MYSM1: variants seen among roughly 807,000 people sequenced by gnomAD.
The protein encoded by MYSM1 is deubiquitinase MYSM1.
A neutral mutation model predicts 116.0 loss-of-function variants in MYSM1; 51 were observed. The ratio of observed to expected loss-of-function variants is 0.44; its 90% CI spans 0.35 to 0.56. MYSM1 has a LOEUF of 0.56. Among genes scored for constraint, MYSM1 ranks in the 20% least tolerant of loss-of-function variants. The probability of loss-of-function intolerance (pLI) is 0.00; values close to 1 mark genes in which losing one functional copy is unlikely to be tolerated. For synonymous variants in MYSM1, 313 were observed against 315.2 expected (o/e 0.99, Z 0.07); for missense variants, 900 against 974.9 (o/e 0.92, Z 1.02).
chr1:58,663,135 G>T (rs1056653373), intron 17 of MYSM1, among the ~76,000 whole-genome samples: 1 of 152,136 alleles, frequency 6.6e-6, no homozygotes, highest in African/African-American at 2.4e-5. Context: ...TCAGAGCTGG[G>T]ATCTGAATCC....
chr1:58,680,609 C>T (rs748788295), intron 8 of MYSM1, among the ~76,000 whole-genome samples: 2 of 152,044 alleles, frequency 1.3e-5, no homozygotes, highest in Admixed American at 6.5e-5. Flanking sequence ...TGAAGGTTAC[C>T]GATTTATTAT....
Position 58,676,931 on chromosome 1 carries a change from C to T in MYSM1, c.1385G>A (p.Gly462Glu). ...TGTTGGGTTTTTATTTTTACCACATCCAAAATTGATTGCTCCTATCAATTC... is the reference window on the plus strand; with the variant it reads ...TGTTGGGTTTTTATTTTTACCACATTCAAAATTGATTGCTCCTATCAATTC... ...YLELIGAINF[G>E]CEQAVYNRPQ... Residue 462 changes from glycine (G) to glutamate (E), a missense_variant, in exon 9 of 20, where the codon GGA becomes GAA. Gly to Glu is a moderately conservative substitution (Grantham distance 98, BLOSUM62 -2). Transcript: ENST00000472487. 6.2e-7 allele frequency: 1 copy of T among 1,610,162 alleles called. No homozygotes were observed. The highest frequency in any genetic ancestry group is 2.2e-5 in the East Asian group (1 of 44,614).
At chr1:58,682,699 CT>C (rs768660432) in intron 7 of MYSM1, among the ~76,000 whole-genome samples, 154 bp from the exon 8 acceptor site, 190 of 89,174 alleles carry the variant, frequency 2.1e-3, no homozygotes, top group Middle Eastern at 0.011. Context: ...TTTTTCTTTT[CT>C]TTTTTTTTTT....
At chr1:58,681,739 G>A in intron 8 of MYSM1, 46 bp downstream of exon 8, 1 of 1,498,654 alleles carries the variant, frequency 6.7e-7, no homozygotes, top group South Asian at 1.4e-5. Flanking sequence ...AAATACTTCA[G>A]AATATCACGT....
Position 58,659,907 on chromosome 1 carries a change from G to C in MYSM1, c.*90C>G. Reference sequence around the variant, plus strand: ...GAAATAGAGAAAAAATACCAAAGCTGTGCCAATGTTAACTACAATCACTTC... The same window carrying C: ...GAAATAGAGAAAAAATACCAAAGCTCTGCCAATGTTAACTACAATCACTTC... On this transcript the variant is annotated 3_prime_UTR_variant, in exon 20 of 20. Transcript: ENST00000472487. 1.2e-6 allele frequency: 1 copy of C among 834,438 alleles called. No individual in the cohort carries two copies. The highest frequency in any genetic ancestry group is 1.7e-6 in the Non-Finnish European group (1 of 574,548). 51.7% of individuals were successfully genotyped at this position (834,438 alleles called of 1,614,324 possible). A position where few individuals can be genotyped will look rare whatever the true frequency, so the allele number is the denominator to read the frequency against.
At chr1:58,698,102 A>ATTTT (rs1553140002) in intron 1 of MYSM1, among the ~76,000 whole-genome samples, 1 of 7,776 alleles carries the variant, frequency 1.3e-4, no homozygotes, top group African/African-American at 2.6e-4. Flanking sequence ...ATATATATAT[A>ATTTT]TTTTTTTTTT....
intron 15 of MYSM1, 56 bp from the exon 16 acceptor site, chr1:58,667,282 CTAA>C: frequency 1.6e-6 from 2 of 1,268,122 alleles, no homozygotes; most frequent in Non-Finnish European, 2.1e-6. Context: ...TTCTATTACT[CTAA>C]TGTTATAATT....
In MYSM1 at chr1:58,660,237, A is replaced by G. The variant is rs577306357; in HGVS notation, c.2329-82T>C. ...TACTATCACTATTTCGTCCCTTTCCAGACCTCACATTTCCTAATGCTCAAA... is the reference window on the plus strand; with the variant it reads ...TACTATCACTATTTCGTCCCTTTCCGGACCTCACATTTCCTAATGCTCAAA... On this transcript the variant is annotated intron_variant, in intron 19 of 19. Transcript: ENST00000472487. 3.0e-4 allele frequency: 244 copies of G among 815,614 alleles called. 3 individuals carry two copies. The East Asian group carries it at 7.2e-3, about 24-fold the overall frequency. The allele number at this position is 815,614 out of a possible 1,614,324, so 50.5% of individuals were successfully genotyped here. A position where few individuals can be genotyped will look rare whatever the true frequency, so the allele number is the denominator to read the frequency against.
In MYSM1 at chr1:58,655,176, G is replaced by A. The variant is rs150819071; in HGVS notation, c.*4821C>T. 6.6e-6 allele frequency: 1 copy of A among 151,988 alleles called. No individual in the cohort carries two copies. The highest frequency in any genetic ancestry group is 2.4e-5 in the African/African-American group (1 of 41,396). 9.4% of individuals were successfully genotyped at this position (151,988 alleles called of 1,614,324 possible). A position where few individuals can be genotyped will look rare whatever the true frequency, so the allele number is the denominator to read the frequency against. ...TATATGACTAATCTATTTAACTCAC[G>A]CTAGAATCTAAATACTATTTTATAA... On this transcript the variant is annotated 3_prime_UTR_variant, in exon 20 of 20. Coordinates refer to ENST00000472487, the MANE Select transcript of MYSM1 (RefSeq NM_001085487.3).
At chr1:58,698,102 A>ATATATATTTTTTTTTTTTT in intron 1 of MYSM1, among the ~76,000 whole-genome samples, 3 of 7,768 alleles carry the variant, frequency 3.9e-4, no homozygotes, top group African/African-American at 5.1e-4. Context: ...ATATATATAT[A>ATATATATTTTTTTTTTTTT]TTTTTTTTTT....
intron 3 of MYSM1, among the ~76,000 whole-genome samples, chr1:58,691,072 G>A (rs1425407326): frequency 6.6e-6 from 1 of 152,054 alleles, no homozygotes; most frequent in African/African-American, 2.4e-5. Flanking sequence ...AAGGTTAGGA[G>A]ATCGAGACCA....
chr1:58,668,142 A>G (rs1644503533), intron 14 of MYSM1, among the ~76,000 whole-genome samples: 1 of 152,208 alleles, frequency 6.6e-6, no homozygotes, highest in African/African-American at 2.4e-5. Context: ...CAAACACTTA[A>G]AAATTCTCAG....
chr1:58,666,865 ACT>A (rs1380153965), intron 16 of MYSM1, among the ~76,000 whole-genome samples, 171 bp downstream of exon 16: 2 of 150,966 alleles, frequency 1.3e-5, no homozygotes, highest in African/African-American at 4.8e-5. Flanking sequence ...CAAGAGCGAA[ACT>A]CTGTCTCAAA....
intron 3 of MYSM1, among the ~76,000 whole-genome samples, chr1:58,691,994 AATAT>A (rs1379698190): frequency 6.6e-6 from 1 of 152,212 alleles, no homozygotes; most frequent in African/African-American, 2.4e-5. Flanking sequence ...TAGGTTATAT[AATAT>A]ATAGTTAAAA....
chr1:58,659,325 G>C lies in MYSM1; in HGVS notation c.*672C>G, dbSNP rs879304760. The C allele has an allele frequency of 1.3e-5, 2 of 152,110 alleles. No individual in the cohort carries two copies. The highest frequency in any genetic ancestry group is 1.3e-4 in the Admixed American group (2 of 15,244). The allele number at this position is 152,110 out of a possible 1,614,324, so 9.4% of individuals were successfully genotyped here. The stretch of plus-strand genomic sequence containing the variant: ...AATTGAAGCTAATTATTTTATGTGT[G>C]TAAAATTGGTTAAAAATTTTCAGAT... On this transcript the variant is annotated 3_prime_UTR_variant, in exon 20 of 20. Coordinates refer to ENST00000472487, the MANE Select transcript of MYSM1 (RefSeq NM_001085487.3).
At chr1:58,686,715 C>G (rs1295602944) in intron 6 of MYSM1, among the ~76,000 whole-genome samples, 2 of 151,978 alleles carry the variant, frequency 1.3e-5, no homozygotes, top group Non-Finnish European at 2.9e-5. Context: ...GGGATGAAGA[C>G]AAATAGATAA....
chr1:58,699,696 G>A (rs534826725), intron 1 of MYSM1: 1 of 985,464 alleles, frequency 1.0e-6, no homozygotes, highest in African/African-American at 1.7e-5. Flanking sequence ...AACGGAAGAA[G>A]GAATCTAAAT....
rs201158761 is a variant in MYSM1, at chr1:58,660,171, A to C, written c.2329-16T>G. 296 of 1,493,084 alleles carry C rather than the reference A, an allele frequency of 2.0e-4. 1 individual carries two copies. In the African/African-American group the frequency reaches 4.1e-3, roughly 20 times the overall value. 92.5% of individuals were successfully genotyped at this position (1,493,084 alleles called of 1,614,324 possible). On this transcript the variant is annotated splice_polypyrimidine_tract_variant and intron_variant, in intron 19 of 19. Transcript: ENST00000472487. ...ACTCCAAAAGCTAGTTGAAAAGAAAAGTTTTATATTTAAATACAGAAAAAG... is the reference window on the plus strand; with the variant it reads ...ACTCCAAAAGCTAGTTGAAAAGAAACGTTTTATATTTAAATACAGAAAAAG...
At position 58,655,244 on chromosome 1, in the gene MYSM1, G is replaced by C. The variant is rs1644304613; in HGVS notation, c.*4753C>G. On this transcript the variant is annotated 3_prime_UTR_variant, in exon 20 of 20. Transcript: ENST00000472487. ...ATGTTTCACAGTAATCTATGAAACAGGAATATAAACTATGAAAACATATTT... is the reference window on the plus strand; with the variant it reads ...ATGTTTCACAGTAATCTATGAAACACGAATATAAACTATGAAAACATATTT... The C allele has an allele frequency of 6.6e-6, 1 of 152,056 alleles. No individual in the cohort carries two copies. Among genetic ancestry groups the C allele is most frequent in the South Asian group, 2.1e-4 (1 of 4,830 alleles). 9.4% of individuals were successfully genotyped at this position (152,056 alleles called of 1,614,324 possible).
Sources: gnomAD v4.1 joint callset for allele counts (sites outside exome capture counted in the v4.1 genomes callset) on GRCh38, gnomAD v4.1.1 for gene constraint, MANE v1.5 for transcripts, NCBI Gene and HGNC (gene_info 2026-07-23, HGNC 2026-07-21) for gene names.